Variants in PSME1 observed in about 807,000 individuals in gnomAD.
PSME1 encodes the protein proteasome activator subunit 1.
Under a neutral mutation model 38.4 loss-of-function variants are expected in PSME1, and 15 were observed. The ratio of observed to expected loss-of-function variants is 0.39; its 90% CI spans 0.26 to 0.60. The LOEUF is 0.60. Ranked by LOEUF, PSME1 falls within the 20% of genes least tolerant of loss-of-function variation. The probability of loss-of-function intolerance (pLI) is 0.53; values close to 1 mark genes in which losing one functional copy is unlikely to be tolerated. For missense variants in PSME1, 249 were observed against 305.6 expected (o/e 0.81, Z 1.38); for synonymous variants, 106 against 106.8 (o/e 0.99, Z 0.05).
chr14:24,136,427 G>A lies in PSME1; in HGVS notation c.39+126G>A, dbSNP rs1039345711. 3.9e-5 allele frequency: 37 copies of A among 944,356 alleles called. No homozygotes were observed. Among genetic ancestry groups the A allele is most frequent in the Admixed American group, 3.3e-4 (8 of 24,244 alleles). 58.5% of individuals were successfully genotyped at this position (944,356 alleles called of 1,614,324 possible). A position where few individuals can be genotyped will look rare whatever the true frequency, so the allele number is the denominator to read the frequency against. On this transcript the variant is annotated intron_variant, in intron 1 of 10. Coordinates refer to ENST00000206451, the MANE Select transcript of PSME1 (RefSeq NM_006263.4). The surrounding 1 kb of genome is among the most constrained non-coding windows in gnomAD (Gnocchi z 4.8). ...GCAGTCGGCCGAGCTGGCGCGCCCG[G>A]AGCACCTGCGCCCCGGGGAGGGCGG...
At position 24,138,198 on chromosome 14, in the gene PSME1, G is replaced by A. The variant is rs2037948853; in HGVS notation, c.462G>A (p.Glu154=). The A allele has an allele frequency of 1.9e-6, 3 of 1,614,002 alleles. No individual in the cohort carries two copies. The highest frequency in any genetic ancestry group is 2.5e-6 in the Non-Finnish European group (3 of 1,180,022). The part of the protein sequence containing the change: ...DGNNFGVAVQ[E]KVFELMTSLH... ...TCCCCCTTGCTTTTTTTCCCTAGGA[G>A]AAGGTGTTTGAGCTGATGACCAGCC... is the stretch of plus-strand genomic sequence containing the variant. The change falls in exon 8 of 11, where the codon GAG becomes GAA. Residue 154 remains glutamate, a splice_region_variant and synonymous_variant. Coordinates refer to ENST00000206451, the MANE Select transcript of PSME1 (RefSeq NM_006263.4).
At chr14:24,137,954 G>A (rs777702356) in intron 6 of PSME1, 95 bp from the exon 7 acceptor site, 228 of 1,507,240 alleles carry the variant, frequency 1.5e-4, no homozygotes, top group African/African-American at 1.3e-3. Context: ...GACCCGGCAC[G>A]CCTCCACCCA....
Position 24,138,727 on chromosome 14 carries a change from G to T in PSME1, c.670-9G>T, listed in dbSNP as rs1283372568. 6.2e-7 allele frequency: 1 copy of T among 1,614,148 alleles called. No individual in the cohort carries two copies. Among genetic ancestry groups the T allele is most frequent in the Admixed American group, 1.7e-5 (1 of 60,028 alleles). ...GCCTCTGACTGACCTCTACTCCCTG[G>T]CCCTGTAGGCTGTGTTATATGACAT... On this transcript the variant is annotated splice_polypyrimidine_tract_variant and intron_variant, in intron 10 of 10. Coordinates refer to ENST00000206451, the MANE Select transcript of PSME1 (RefSeq NM_006263.4).
Position 24,136,404 on chromosome 14 carries a change from A to G in PSME1, c.39+103A>G, listed in dbSNP as rs1196869090. 5.8e-6 allele frequency: 7 copies of G among 1,216,830 alleles called. No homozygotes were observed. The Admixed American group carries it at 1.9e-4, about 33-fold the overall frequency. 75.4% of individuals were successfully genotyped at this position (1,216,830 alleles called of 1,614,324 possible). On this transcript the variant is annotated intron_variant, in intron 1 of 10. Coordinates refer to ENST00000206451, the MANE Select transcript of PSME1 (RefSeq NM_006263.4). The surrounding 1 kb of genome is among the most constrained non-coding windows in gnomAD (Gnocchi z 4.8). ...CCAGGCTCCCACGCGAGTCGGGGGCAGTCGGCCGAGCTGGCGCGCCCGGAG... is the reference window on the plus strand; with the variant it reads ...CCAGGCTCCCACGCGAGTCGGGGGCGGTCGGCCGAGCTGGCGCGCCCGGAG...
At position 24,136,981 on chromosome 14, in the gene PSME1, A is replaced by G. The variant is rs762436753; in HGVS notation, c.40-4A>G. The G allele has an allele frequency of 1.2e-6, 2 of 1,614,142 alleles. No individual in the cohort carries two copies. Among genetic ancestry groups the G allele is most frequent in the South Asian group, 2.2e-5 (2 of 91,082 alleles). On this transcript the variant is annotated splice_polypyrimidine_tract_variant and splice_region_variant and intron_variant, in intron 1 of 10. Transcript: ENST00000206451. This position sits in a 1 kb window ranked among gnomAD's most constrained non-coding sequence, Gnocchi z 4.8. ...GTTTCTGAAGGGATGCGTGTGCCCC[A>G]CAGGTGGATGTGTTTCGTGAAGACC...
chr14:24,138,307 C>G (rs1318572422), intron 8 of PSME1, 38 bp from the exon 9 acceptor site: 1 of 1,613,920 alleles, frequency 6.2e-7, no homozygotes, highest in Non-Finnish European at 8.5e-7. Context: ...TTTGGGAGAC[C>G]TCCTTCTTCT....
rs1594358437 is a variant in PSME1, at chr14:24,138,731, T to C, written c.670-5T>C. ...CTGACTGACCTCTACTCCCTGGCCC[T>C]GTAGGCTGTGTTATATGACATCATC... On this transcript the variant is annotated splice_region_variant and splice_polypyrimidine_tract_variant and intron_variant, in intron 10 of 10. Coordinates refer to ENST00000206451, the MANE Select transcript of PSME1 (RefSeq NM_006263.4). 1 of 1,614,182 alleles carries C rather than the reference T, an allele frequency of 6.2e-7. No individual in the cohort carries two copies.
rs2037898423 is a variant in PSME1 at position 24,136,247 on chromosome 14, G to GT, written c.-16_-15insT. The stretch of plus-strand genomic sequence containing the variant: ...CACTCCACTCCTTGTGCGGCGCTAG[G>GT]CCCCCCGTCCCGGTCATGGCCATGC... On this transcript the variant is annotated 5_prime_UTR_variant, in exon 1 of 11. Coordinates refer to ENST00000206451, the MANE Select transcript of PSME1 (RefSeq NM_006263.4). This position sits in a 1 kb window ranked among gnomAD's most constrained non-coding sequence, Gnocchi z 4.8. 6.6e-7 allele frequency: 1 copy of GT among 1,521,964 alleles called. No individual in the cohort carries two copies. The highest frequency in any genetic ancestry group is 1.4e-5 in the African/African-American group (1 of 69,284). 94.3% of individuals were successfully genotyped at this position (1,521,964 alleles called of 1,614,324 possible).
chr14:24,137,508 CTCTT>C lies in PSME1; in HGVS notation c.247-8_247-5del. Reference sequence around the variant, plus strand: ...TTAGTCCTGACTCTCATGAGCTCCTCTCTTTCTGCAGAAGGAAGACAAGGATGAA... The same window carrying C: ...TTAGTCCTGACTCTCATGAGCTCCTCTCTGCAGAAGGAAGACAAGGATGAA... On this transcript the variant is annotated splice_region_variant and splice_polypyrimidine_tract_variant and intron_variant, in intron 4 of 10. Transcript: ENST00000206451. 3 of 1,607,414 alleles carry C rather than the reference CTCTT, an allele frequency of 1.9e-6. No individual in the cohort carries two copies. Among genetic ancestry groups the C allele is most frequent in the Non-Finnish European group, 2.5e-6 (3 of 1,180,014 alleles).
Position 24,136,915 on chromosome 14 carries a change from C to T in PSME1, c.40-70C>T. ...TTCCCCAGGTCAGGCCCTACATAAC[C>T]CTAAGGGAACTGTCCTCAAATGAAC... On this transcript the variant is annotated intron_variant, in intron 1 of 10. Coordinates refer to ENST00000206451, the MANE Select transcript of PSME1 (RefSeq NM_006263.4). This position sits in a 1 kb window ranked among gnomAD's most constrained non-coding sequence, Gnocchi z 4.8. 2 of 1,596,662 alleles carry T rather than the reference C, an allele frequency of 1.3e-6. No individual in the cohort carries two copies. Among genetic ancestry groups the T allele is most frequent in the Non-Finnish European group, 1.7e-6 (2 of 1,165,558 alleles).
chr14:24,137,464 A>G (rs1415612323), intron 4 of PSME1, 33 bp downstream of exon 4: 1 of 1,614,050 alleles, frequency 6.2e-7, no homozygotes, highest in Admixed American at 1.7e-5. Flanking sequence ...AAGGGATCCA[A>G]CTATGGGGGT....
Position 24,136,248 on chromosome 14 carries a change from C to CT in PSME1, c.-15_-14insT, listed in dbSNP as rs774043792. 13 of 1,499,102 alleles carry CT rather than the reference C, an allele frequency of 8.7e-6. No individual in the cohort carries two copies. The African/African-American group carries it at 2.0e-4, about 24-fold the overall frequency. 92.9% of individuals were successfully genotyped at this position (1,499,102 alleles called of 1,614,324 possible). A position where few individuals can be genotyped will look rare whatever the true frequency, so the allele number is the denominator to read the frequency against. ...ACTCCACTCCTTGTGCGGCGCTAGG[C>CT]CCCCCGTCCCGGTCATGGCCATGCT... On this transcript the variant is annotated 5_prime_UTR_variant, in exon 1 of 11. Transcript: ENST00000206451. This position sits in a 1 kb window ranked among gnomAD's most constrained non-coding sequence, Gnocchi z 4.8.
In PSME1 at chr14:24,137,508, C is replaced by G. The variant is rs759764763; in HGVS notation, c.247-12C>G. ...TTAGTCCTGACTCTCATGAGCTCCTCTCTTTCTGCAGAAGGAAGACAAGGA... is the reference window on the plus strand; with the variant it reads ...TTAGTCCTGACTCTCATGAGCTCCTGTCTTTCTGCAGAAGGAAGACAAGGA... On this transcript the variant is annotated splice_polypyrimidine_tract_variant and intron_variant, in intron 4 of 10. Coordinates refer to ENST00000206451, the MANE Select transcript of PSME1 (RefSeq NM_006263.4). The G allele has an allele frequency of 6.2e-7, 1 of 1,607,414 alleles. No individual in the cohort carries two copies. The highest frequency in any genetic ancestry group is 1.7e-5 in the Admixed American group (1 of 59,844).
Position 24,138,751 on chromosome 14 carries a change from A to G in PSME1, c.685A>G (p.Ile229Val), listed in dbSNP as rs773597601. 6.2e-7 allele frequency: 1 copy of G among 1,614,172 alleles called. No individual in the cohort carries two copies. The highest frequency in any genetic ancestry group is 8.5e-7 in the Non-Finnish European group (1 of 1,180,034). Residue 229 changes from isoleucine (I) to valine (V), a missense_variant, in exon 11 of 11, where the codon ATC (isoleucine) becomes GTC (valine). Physicochemically the swap from Ile to Val is conservative, Grantham distance 29. Transcript: ENST00000206451. Reference protein sequence around the residue: ...IRNAYAVLYDIILKNFEKLKK... With the variant: ...IRNAYAVLYDVILKNFEKLKK... ...GGCCCTGTAGGCTGTGTTATATGAC[A>G]TCATCCTGAAGAACTTCGAGAAGCT... is the stretch of plus-strand genomic sequence containing the variant.
chr14:24,138,315 TCTA>T, intron 8 of PSME1, 27 bp from the exon 9 acceptor site: 1 of 1,614,060 alleles, frequency 6.2e-7, no homozygotes, highest in South Asian at 1.1e-5. Flanking sequence ...ACCTCCTTCT[TCTA>T]CTCCATACAC....
chr14:24,138,527 C>T lies in PSME1; in HGVS notation c.636C>T (p.Ile212=), dbSNP rs750439336. ...HELDEAEYRD[I]RLMVMEIRNA... ...TGGATGAGGCAGAGTACCGGGACAT[C>T]CGGCTGATGGTCATGGAGATCCGCA... is the stretch of plus-strand genomic sequence containing the variant. The change falls in exon 10 of 11, where the codon ATC becomes ATT. Residue 212 remains isoleucine (I), a synonymous_variant. Transcript: ENST00000206451. 8.7e-6 allele frequency: 14 copies of T among 1,613,904 alleles called. No individual in the cohort carries two copies. The East Asian group carries it at 2.5e-4, about 28-fold the overall frequency.
intron 10 of PSME1, 50 bp downstream of exon 10, chr14:24,138,610 C>G (rs763164468): frequency 1.9e-6 from 3 of 1,613,814 alleles, no homozygotes; most frequent in South Asian, 2.2e-5. Flanking sequence ...CTTTCCCAGG[C>G]CACCCACTCC....
Position 24,136,815 on chromosome 14 carries a change from C to T in PSME1, c.40-170C>T. On this transcript the variant is annotated intron_variant, in intron 1 of 10. Transcript: ENST00000206451. The surrounding 1 kb of genome is among the most constrained non-coding windows in gnomAD (Gnocchi z 4.8). The stretch of plus-strand genomic sequence containing the variant: ...CCAGGTCTGCAGAGATCCACCTTCT[C>T]CACCACCCCAACCCACCCTACAGGC... 1 of 740,162 alleles carries T rather than the reference C, an allele frequency of 1.4e-6. No individual in the cohort carries two copies. The highest frequency in any genetic ancestry group is 2.4e-6 in the Non-Finnish European group (1 of 423,068). 45.8% of individuals were successfully genotyped at this position (740,162 alleles called of 1,614,324 possible).
In PSME1 at chr14:24,137,810, C is replaced by A; in HGVS notation, c.390+13C>A. 30 of 1,611,416 alleles carry A rather than the reference C, an allele frequency of 1.9e-5. 1 individual carries two copies. The highest frequency in any genetic ancestry group is 2.4e-5 in the Non-Finnish European group (28 of 1,177,548). On this transcript the variant is annotated intron_variant, in intron 6 of 10. Coordinates refer to ENST00000206451, the MANE Select transcript of PSME1 (RefSeq NM_006263.4). ...GCAGCTCAACCTGGTAAGCCCTCCC[C>A]CTTAAACTCTCAGGCTTCAAGTCAA...
Sources: gnomAD v4.1 joint callset for allele counts on GRCh38, gnomAD v4.1.1 for gene constraint, Gnocchi (gnomAD v3.1) non-coding constraint, MANE v1.5 for transcripts, NCBI Gene and HGNC (gene_info 2026-07-23, HGNC 2026-07-21) for gene names.